Variants in FBXO47 observed in about 807,000 individuals in gnomAD.
The protein encoded by FBXO47 is F-box protein 47.
FBXO47 carries 34 observed loss-of-function variants against 53.9 expected under a neutral mutation model. The observed-to-expected ratio is 0.63, with a 90% CI of 0.48 to 0.84. The LOEUF is 0.84. FBXO47 is among the 40% of genes least tolerant of loss of function. The pLI, the probability that FBXO47 is intolerant of heterozygous loss-of-function variation, is 0.00. For missense variants in FBXO47, 485 were observed against 541.3 expected (o/e 0.90, Z 1.03); for synonymous variants, 165 against 181.6 (o/e 0.91, Z 0.73).
chr17:38,945,509 A>C (rs1219865384), intron 6 of FBXO47, among the ~76,000 whole-genome samples: 1 of 152,110 alleles, frequency 6.6e-6, no homozygotes, highest in African/African-American at 2.4e-5. Context: ...TCCTCTATGA[A>C]AGTTTTATGG....
intron 1 of FBXO47, among the ~76,000 whole-genome samples, chr17:38,964,857 G>A (rs937881127): frequency 1.3e-5 from 2 of 151,668 alleles, no homozygotes; most frequent in African/African-American, 2.4e-5. Flanking sequence ...CTACTGCCCG[G>A]GCTGGAGTGC....
At chr17:38,954,812 G>T in intron 5 of FBXO47, 44 bp downstream of exon 5, 1 of 1,168,064 alleles carries the variant, frequency 8.6e-7, no homozygotes, top group Non-Finnish European at 1.3e-6. Flanking sequence ...TTTGTTATCA[G>T]TTCCAAAGGT....
chr17:38,946,311 TATAAATATATATAAATATATAA>T (rs1904814145), intron 6 of FBXO47, among the ~76,000 whole-genome samples: 1 of 51,844 alleles, frequency 1.9e-5, no homozygotes, highest in Non-Finnish European at 3.7e-5. Context: ...TATATAAATA[TATAAATATATATAAATATATAA>T]ATATATATAA....
intron 3 of FBXO47, among the ~76,000 whole-genome samples, chr17:38,959,761 T>A (rs1905736090): frequency 1.3e-5 from 2 of 151,558 alleles, no homozygotes; most frequent in South Asian, 4.2e-4. Flanking sequence ...CCCTCCCACC[T>A]CAGCATCCTG....
intron 8 of FBXO47, 23 bp downstream of exon 8, chr17:38,943,567 A>G (rs1904604127): frequency 7.0e-7 from 1 of 1,433,478 alleles, no homozygotes; most frequent in Non-Finnish European, 9.5e-7. Flanking sequence ...CTATTATTCT[A>G]TGTTAGTAAA....
In FBXO47 at chr17:38,942,801, T is replaced by G; in HGVS notation, c.1060A>C (p.Arg354=). 6.2e-7 allele frequency: 1 copy of G among 1,611,156 alleles called. No individual in the cohort carries two copies. Residue 354 remains arginine, a synonymous_variant, in exon 9 of 11, where the codon AGG becomes CGG. Coordinates refer to ENST00000378079, the MANE Select transcript of FBXO47 (RefSeq NM_001008777.3). ...ACCAAAGCCAAAAAGACTACGAGCC[T>G]TGCCAGTTCAATGGTGCGTCCATTC... ...AVNGRTIELA[R]LVVFLALVCE...
intron 6 of FBXO47, among the ~76,000 whole-genome samples, chr17:38,947,118 AAACATATATATAAAT>A (rs1567717774): frequency 1.4e-5 from 2 of 141,874 alleles, no homozygotes; most frequent in African/African-American, 2.6e-5. Context: ...ATATATATAT[AAACATATATATAAAT>A]ATATATATAT....
At chr17:38,943,812 A>G in intron 7 of FBXO47, 76 bp from the exon 8 acceptor site, 1 of 1,284,556 alleles carries the variant, frequency 7.8e-7, no homozygotes, top group African/African-American at 1.5e-5. Context: ...AGGAAAGTGA[A>G]TTGCACAATG....
rs1267598127 is a variant in FBXO47, at chr17:38,938,647, C to G, written c.1169G>C (p.Arg390Thr). The G allele has an allele frequency of 6.8e-6, 11 of 1,613,844 alleles. No homozygotes were observed. Among genetic ancestry groups the G allele is most frequent in the Non-Finnish European group, 9.3e-6 (11 of 1,179,848 alleles). Residue 390 changes from arginine to threonine, a missense_variant, in exon 10 of 11, where the codon AGA becomes ACA. Physicochemically the swap from Arg to Thr is moderately conservative, Grantham distance 71. Transcript: ENST00000378079. ...VCKVFSTPVE[R>T]KNFLQNVANA... ...TGCCACATTCTGCAGGAAGTTCTTT[C>G]TTTCCACTGGAGTGCTAAAGACTTT...
intron 3 of FBXO47, among the ~76,000 whole-genome samples, chr17:38,960,701 G>A (rs190136699): frequency 6.8e-6 from 1 of 147,000 alleles, no homozygotes; most frequent in African/African-American, 2.5e-5. Flanking sequence ...GCGTGACCTC[G>A]GCTCACTGCA....
intron 3 of FBXO47, among the ~76,000 whole-genome samples, chr17:38,959,447 G>A (rs1374812327): frequency 1.3e-5 from 2 of 151,788 alleles, no homozygotes; most frequent in Non-Finnish European, 2.9e-5. Context: ...AGACATGGTG[G>A]TGCATGCCTG....
At chr17:38,948,207 ATTTTTT>A (rs869282186) in intron 6 of FBXO47, among the ~76,000 whole-genome samples, 3,234 of 89,340 alleles carry the variant, frequency 0.036, 135 homozygotes, top group African/African-American at 0.13. Context: ...CCTATTCTGG[ATTTTTT>A]TTTTTTTTTT....
At chr17:38,945,750 C>A (rs2096578803) in intron 6 of FBXO47, among the ~76,000 whole-genome samples, 1 of 151,590 alleles carries the variant, frequency 6.6e-6, no homozygotes, top group African/African-American at 2.4e-5. Context: ...ACCTGGCTAA[C>A]ACGGTGAAAC....
At chr17:38,937,812 C>T (rs1384978938) in intron 10 of FBXO47, among the ~76,000 whole-genome samples, 4 of 152,060 alleles carry the variant, frequency 2.6e-5, no homozygotes, top group African/African-American at 4.8e-5. Flanking sequence ...GGACTACAGG[C>T]GCCTGCCACC....
At chr17:38,942,198 T>A (rs960879670) in intron 9 of FBXO47, among the ~76,000 whole-genome samples, 1 of 152,054 alleles carries the variant, frequency 6.6e-6, no homozygotes, top group African/African-American at 2.4e-5. Context: ...GAATTTTTTT[T>A]TAAAAAGAAT....
intron 6 of FBXO47, among the ~76,000 whole-genome samples, chr17:38,946,907 TATATATAAAC>T (rs1217545238): frequency 1.2e-4 from 14 of 116,084 alleles, no homozygotes; most frequent in South Asian, 4.7e-4. Context: ...CATATATAAA[TATATATAAAC>T]ATATATAAAC....
chr17:38,965,509 C>A (rs1906058102), intron 1 of FBXO47, among the ~76,000 whole-genome samples: 1 of 151,852 alleles, frequency 6.6e-6, no homozygotes. Flanking sequence ...TCCTTTGAAA[C>A]CATACCACAG....
intron 5 of FBXO47, among the ~76,000 whole-genome samples, chr17:38,952,737 CT>C (rs891129484): frequency 1.3e-4 from 19 of 151,740 alleles, no homozygotes; most frequent in Admixed American, 9.2e-4. Context: ...TTGACCTCCC[CT>C]AGTTGTCATT....
rs577026368 is a variant in FBXO47 at position 38,961,752 on chromosome 17, C to T, written c.352+125G>A. On this transcript the variant is annotated intron_variant, in intron 3 of 10. Coordinates refer to ENST00000378079, the MANE Select transcript of FBXO47 (RefSeq NM_001008777.3). Reference sequence around the variant, plus strand: ...GTGTTCTCACACTAAAGAGTAAAAACATCATAGAAACAGGCATATTTTGGA... The same window carrying T: ...GTGTTCTCACACTAAAGAGTAAAAATATCATAGAAACAGGCATATTTTGGA... 60 of 797,530 alleles carry T rather than the reference C, an allele frequency of 7.5e-5. No homozygotes were observed. The South Asian group carries it at 9.9e-4, about 13-fold the overall frequency. 49.4% of individuals were successfully genotyped at this position (797,530 alleles called of 1,614,324 possible). A position where few individuals can be genotyped will look rare whatever the true frequency, so the allele number is the denominator to read the frequency against.
Sources: allele counts gnomAD v4.1 joint callset (sites outside exome capture counted in the v4.1 genomes callset), GRCh38; gene constraint gnomAD v4.1.1; transcripts MANE v1.5; gene names NCBI Gene and HGNC (gene_info 2026-07-23, HGNC 2026-07-21).